The following PDZD2 variants were observed in gnomAD, a reference collection of about 807,000 sequenced individuals.
PDZD2 encodes PDZ domain containing 2.
PDZD2 carries 90 observed loss-of-function variants against 220.7 expected under a neutral mutation model. The ratio of observed to expected loss-of-function variants is 0.41; its 90% confidence interval spans 0.34 to 0.49. The LOEUF is 0.49. PDZD2 is among the 20% of genes least tolerant of loss of function. The pLI, the probability that PDZD2 is intolerant of heterozygous loss-of-function variation, is 0.28. For missense variants in PDZD2, 3,174 were observed against 3,608.5 expected (o/e 0.88, Z 3.08); for synonymous variants, 1,375 against 1,450.5 (o/e 0.95, Z 1.18).
intron 1 of PDZD2, among the ~76,000 whole-genome samples, chr5:31,643,502 C>T (rs1280736908): frequency 6.6e-6 from 1 of 152,172 alleles, no homozygotes; most frequent in Admixed American, 6.5e-5. Context: ...CACTCGGTAA[C>T]ACCTGCATTT....
intron 3 of PDZD2, among the ~76,000 whole-genome samples, chr5:31,992,968 T>C (rs1317787062): frequency 6.6e-6 from 1 of 151,532 alleles, no homozygotes; most frequent in African/African-American, 2.4e-5. Context: ...CAGGACAACA[T>C]CCAGTCAGCA....
intron 2 of PDZD2, among the ~76,000 whole-genome samples, chr5:31,816,936 C>A (rs1755497549): frequency 6.6e-6 from 1 of 152,216 alleles, no homozygotes; most frequent in African/African-American, 2.4e-5. Context: ...GTAATCCCAG[C>A]ACTTTGGGAG....
At chr5:31,665,942 CG>C (rs1745971826) in intron 1 of PDZD2, among the ~76,000 whole-genome samples, 1 of 152,110 alleles carries the variant, frequency 6.6e-6, no homozygotes, top group African/African-American at 2.4e-5. Context: ...GAAGTGAGGA[CG>C]GGACCTCATT....
At chr5:31,677,849 G>A (rs962525647) in intron 1 of PDZD2, among the ~76,000 whole-genome samples, 16 of 151,952 alleles carry the variant, frequency 1.1e-4, no homozygotes, top group Admixed American at 2.6e-4. Context: ...GCAGACCAAC[G>A]TTTAGGGGGT....
In PDZD2 at chr5:32,101,212, C is replaced by T. The variant is rs149759623; in HGVS notation, c.8326C>T (p.Pro2776Ser). The change falls in exon 24 of 25, where the codon CCC becomes TCC. Residue 2776 changes from proline (P) to serine (S), a missense_variant. By Grantham distance (74) the Pro-to-Ser change is moderately conservative (BLOSUM62 -1). This residue lies in a region of PDZD2 where 631 missense variants were observed against 789.9 expected (regional missense o/e 0.80). Transcript: ENST00000438447. The part of the protein sequence containing the change: ...GGKSSVTGDG[P>S]LVIKRVYKGG... ...AAAATCATCGGTGACGGGAGATGGG[C>T]CCTTGGTCATTAAAAGAGTGTACAA... The T allele has an allele frequency of 1.6e-4, 265 of 1,613,664 alleles. No individual in the cohort carries two copies. In the African/African-American group the frequency reaches 3.1e-3, roughly 19 times the overall value.
At chr5:32,105,578 C>T (rs1744679154) in intron 24 of PDZD2, among the ~76,000 whole-genome samples, 1 of 152,112 alleles carries the variant, frequency 6.6e-6, no homozygotes, top group Non-Finnish European at 1.5e-5. Flanking sequence ...AAATAAATTA[C>T]ACCTCTCTCT....
intron 15 of PDZD2, among the ~76,000 whole-genome samples, 162 bp downstream of exon 15, chr5:32,069,812 G>T (rs997113256): frequency 6.6e-6 from 1 of 152,148 alleles, no homozygotes; most frequent in Non-Finnish European, 1.5e-5. Context: ...TGTTAGTTTT[G>T]ATTTCTGCAG....
At chr5:31,800,923 A>G (rs1754354998) in intron 2 of PDZD2, among the ~76,000 whole-genome samples, 1 of 152,216 alleles carries the variant, frequency 6.6e-6, no homozygotes, top group South Asian at 2.1e-4. Flanking sequence ...CTCTGCAAGG[A>G]GAGAACCAGA....
At chr5:31,855,513 G>C (rs1054502748) in intron 2 of PDZD2, among the ~76,000 whole-genome samples, 1 of 152,348 alleles carries the variant, frequency 6.6e-6, no homozygotes, top group South Asian at 2.1e-4. Flanking sequence ...GAGCCACGGC[G>C]GTTTCAGAAC....
At chr5:31,648,654 G>T (rs770159260) in intron 1 of PDZD2, among the ~76,000 whole-genome samples, 3 of 151,910 alleles carry the variant, frequency 2.0e-5, no homozygotes, top group Non-Finnish European at 2.9e-5. Flanking sequence ...GCAGCCAGAG[G>T]GGTCTTTTAT....
intron 24 of PDZD2, chr5:32,107,400 T>TA (rs532836125): frequency 0.049 from 7,280 of 147,828 alleles, 578 homozygotes; most frequent in African/African-American, 0.17. Flanking sequence ...ACCAAAAATA[T>TA]AAAAAAAAAA....
intron 2 of PDZD2, among the ~76,000 whole-genome samples, chr5:31,954,434 C>A (rs913627162): frequency 7.1e-6 from 1 of 140,334 alleles, no homozygotes; most frequent in Non-Finnish European, 1.7e-5. Flanking sequence ...ATAGCATTGC[C>A]AATTTGTTGT....
chr5:31,920,181 G>C (rs944711808), intron 2 of PDZD2, among the ~76,000 whole-genome samples: 1 of 152,024 alleles, frequency 6.6e-6, no homozygotes, highest in Non-Finnish European at 1.5e-5. Flanking sequence ...CTACTCGGGG[G>C]GCTAAGGTGG....
chr5:32,072,581 A>G (rs1236947097), intron 17 of PDZD2, among the ~76,000 whole-genome samples: 2 of 152,150 alleles, frequency 1.3e-5, no homozygotes, highest in African/African-American at 4.8e-5. Flanking sequence ...AAATACAAAA[A>G]TTAGCCAGGC....
intron 15 of PDZD2, 102 bp downstream of exon 15, chr5:32,069,752 T>G: frequency 1.5e-6 from 1 of 679,836 alleles, no homozygotes; most frequent in Non-Finnish European, 2.7e-6. Context: ...TTGGTAATTA[T>G]CAGGTTTGGC....
chr5:32,076,053 A>G (rs1741255604), intron 18 of PDZD2, among the ~76,000 whole-genome samples: 1 of 152,182 alleles, frequency 6.6e-6, no homozygotes, highest in South Asian at 2.1e-4. Flanking sequence ...TGGGATGCTG[A>G]GGCAGGTGGA....
chr5:31,701,646 G>A (rs754384217), intron 1 of PDZD2, among the ~76,000 whole-genome samples: 9 of 152,008 alleles, frequency 5.9e-5, no homozygotes, highest in African/African-American at 2.2e-4. Context: ...CTAATCTCCC[G>A]AAGCCCCACA....
At position 32,090,181 on chromosome 5, in the gene PDZD2, C is replaced by A; in HGVS notation, c.6733C>A (p.Arg2245Ser). 1 of 1,614,068 alleles carries A rather than the reference C, an allele frequency of 6.2e-7. No homozygotes were observed. Among genetic ancestry groups the A allele is most frequent in the Non-Finnish European group, 8.5e-7 (1 of 1,179,994 alleles). The change falls in exon 20 of 25, where the codon CGC becomes AGC. Residue 2245 changes from arginine (R) to serine (S), a missense_variant. Physicochemically the swap from Arg to Ser is moderately radical, Grantham distance 110 (BLOSUM62 -1). Coordinates refer to ENST00000438447, the MANE Select transcript of PDZD2 (RefSeq NM_178140.4). This position sits in a 1 kb window ranked among gnomAD's most constrained non-coding sequence, Gnocchi z 4.3. ...REGHPPHSLGRSRDSQVPVTS... is the reference protein window; with the variant it reads ...REGHPPHSLGSSRDSQVPVTS... Reference sequence around the variant, plus strand: ...GGGTCACCCCCCACACAGCCTGGGTCGCTCTCGGGACAGCCAGGTCCCTGT... The same window carrying A: ...GGGTCACCCCCCACACAGCCTGGGTAGCTCTCGGGACAGCCAGGTCCCTGT...
At chr5:31,775,311 A>T (rs1752575249) in intron 1 of PDZD2, among the ~76,000 whole-genome samples, 2 of 151,182 alleles carry the variant, frequency 1.3e-5, no homozygotes, top group African/African-American at 4.9e-5. Context: ...CTTTTTTATT[A>T]GGTGGCTGGA....
Sources: gnomAD v4.1 joint callset for allele counts (sites outside exome capture counted in the v4.1 genomes callset) on GRCh38, gnomAD v4.1.1 for gene constraint, gnomAD v4.1.1 regional missense constraint, Gnocchi (gnomAD v3.1) non-coding constraint, MANE v1.5 for transcripts, NCBI Gene and HGNC (gene_info 2026-07-23, HGNC 2026-07-21) for gene names.